The following PCDHGB5 variants were observed in gnomAD, a reference collection of about 807,000 sequenced individuals.
The protein encoded by PCDHGB5 is protocadherin gamma subfamily B, 5.
Under a neutral mutation model 62.9 loss-of-function variants are expected in PCDHGB5, and 48 were observed. That is an observed-to-expected ratio of 0.76 (90% CI 0.61 to 0.97). PCDHGB5 has a LOEUF of 0.97. Ranked by LOEUF, PCDHGB5 falls within the 50% of genes least tolerant of loss-of-function variation. PCDHGB5 has a pLI of 0.00. For missense variants in PCDHGB5, 1,118 were observed against 1,198.6 expected (o/e 0.93, Z 0.99); for synonymous variants, 474 against 511.2 (o/e 0.93, Z 0.98).
intron 1 of PCDHGB5, chr5:141,414,152 A>G (rs1251267001): frequency 1.9e-6 from 3 of 1,600,994 alleles, no homozygotes; most frequent in Non-Finnish European, 2.6e-6. Context: ...ATACAAGCAG[A>G]AGATGGAGGA....
Position 141,491,608 on chromosome 5 carries a change from C to T in PCDHGB5, c.2398-3199C>T. On this transcript the variant is annotated intron_variant, in intron 1 of 3. Transcript: ENST00000617380. This position sits in a 1 kb window ranked among gnomAD's most constrained non-coding sequence, Gnocchi z 6.9. Reference sequence around the variant, plus strand: ...CTCGGACGGCAGTGACTTCACTTTTCTAAGACCCCTCAGCGTTCAGCAGCC... The same window carrying T: ...CTCGGACGGCAGTGACTTCACTTTTTTAAGACCCCTCAGCGTTCAGCAGCC... 6.2e-7 allele frequency: 1 copy of T among 1,613,942 alleles called. No individual in the cohort carries two copies. The highest frequency in any genetic ancestry group is 1.1e-5 in the South Asian group (1 of 91,086).
intron 1 of PCDHGB5, chr5:141,417,931 G>T (rs551432799): frequency 6.8e-6 from 11 of 1,611,382 alleles, no homozygotes; most frequent in Middle Eastern, 1.6e-4. Flanking sequence ...TGCTGCCTTT[G>T]TTCTACCCCA....
chr5:141,410,311 C>T lies in PCDHGB5; in HGVS notation c.2397+9787C>T, dbSNP rs867067555. On this transcript the variant is annotated intron_variant, in intron 1 of 3. Coordinates refer to ENST00000617380, the MANE Select transcript of PCDHGB5 (RefSeq NM_018925.3). ...CCTTGGCCTTAATCTCAGTGCTCTT[C>T]CTCCTCGCCGTGATTCTGGCCATTG... 4 of 1,613,936 alleles carry T rather than the reference C, an allele frequency of 2.5e-6. No homozygotes were observed. In the African/African-American group the frequency reaches 5.3e-5, roughly 22 times the overall value.
intron 1 of PCDHGB5, chr5:141,408,696 A>G (rs768439069): frequency 6.2e-7 from 1 of 1,613,648 alleles, no homozygotes; most frequent in East Asian, 2.2e-5. Context: ...ATAAACATAA[A>G]CTCAATTAAA....
chr5:141,439,638 C>T (rs1256973189), intron 1 of PCDHGB5, among the ~76,000 whole-genome samples: 2 of 152,184 alleles, frequency 1.3e-5, no homozygotes, highest in African/African-American at 4.8e-5. Context: ...GACATTCCGG[C>T]TTGGTGGCTT....
At chr5:141,461,974 C>T (rs2099027742) in intron 1 of PCDHGB5, among the ~76,000 whole-genome samples, 1 of 152,202 alleles carries the variant, frequency 6.6e-6, no homozygotes, top group Non-Finnish European at 1.5e-5. Context: ...CAGGCATATG[C>T]CACCACGCCA....
Position 141,489,417 on chromosome 5 carries a change from G to A in PCDHGB5, c.2398-5390G>A, listed in dbSNP as rs1020232739. On this transcript the variant is annotated intron_variant, in intron 1 of 3. Coordinates refer to ENST00000617380, the MANE Select transcript of PCDHGB5 (RefSeq NM_018925.3). This position sits in a 1 kb window ranked among gnomAD's most constrained non-coding sequence, Gnocchi z 4.5. ...ATCTGGGCTTAAAGATGACAGATCT[G>A]TTGAGCCGGCGGCTGCAATTGGGCT... The A allele has an allele frequency of 1.2e-6, 2 of 1,614,172 alleles. No individual in the cohort carries two copies. The highest frequency in any genetic ancestry group is 3.3e-5 in the Admixed American group (2 of 60,030).
intron 1 of PCDHGB5, chr5:141,419,785 G>A (rs1268841728): frequency 1.2e-6 from 2 of 1,613,934 alleles, no homozygotes; most frequent in Non-Finnish European, 1.7e-6. Flanking sequence ...GCCAGCGCCT[G>A]CTAGTCGCTG....
chr5:141,453,700 G>T (rs953445370), intron 1 of PCDHGB5, among the ~76,000 whole-genome samples: 1 of 152,166 alleles, frequency 6.6e-6, no homozygotes, highest in East Asian at 1.9e-4. Flanking sequence ...TCCTGGCTTT[G>T]AACAGTTTCA....
intron 1 of PCDHGB5, chr5:141,409,602 C>T (rs940700383): frequency 6.2e-7 from 1 of 1,613,932 alleles, no homozygotes; most frequent in South Asian, 1.1e-5. Flanking sequence ...AACAACCCGC[C>T]AGGAGCCTCC....
At chr5:141,507,121 G>A (rs940889204) in intron 3 of PCDHGB5, 1 of 152,126 alleles carries the variant, frequency 6.6e-6, no homozygotes, top group African/African-American at 2.4e-5. Flanking sequence ...GGCTGCCTTT[G>A]GATCCAGCCT....
intron 1 of PCDHGB5, among the ~76,000 whole-genome samples, chr5:141,492,632 C>T (rs1359761285): frequency 1.3e-5 from 2 of 152,256 alleles, no homozygotes; most frequent in Admixed American, 1.3e-4. Context: ...CAGGACTCTA[C>T]GATCCTTGGG....
chr5:141,421,069 A>T, intron 1 of PCDHGB5: 1 of 598,532 alleles, frequency 1.7e-6, no homozygotes, highest in Non-Finnish European at 2.8e-6. Context: ...AAGCGGAATG[A>T]GATGGATACT....
In PCDHGB5 at chr5:141,477,551, C is replaced by T. The variant is rs372055994; in HGVS notation, c.2398-17256C>T. ...CCTCCCCGGGGCTCCAATACTAAAC[C>T]TAAGTGTCTGGGACCCCGACGCCCC... On this transcript the variant is annotated intron_variant, in intron 1 of 3. Coordinates refer to ENST00000617380, the MANE Select transcript of PCDHGB5 (RefSeq NM_018925.3). The surrounding 1 kb of genome is among the most constrained non-coding windows in gnomAD (Gnocchi z 4.9). The T allele has an allele frequency of 8.1e-6, 13 of 1,614,060 alleles. No homozygotes were observed. Among genetic ancestry groups the T allele is most frequent in the Non-Finnish European group, 1.0e-5 (12 of 1,180,042 alleles).
intron 1 of PCDHGB5, chr5:141,419,344 C>T (rs2096363174): frequency 1.9e-6 from 3 of 1,613,732 alleles, no homozygotes; most frequent in Non-Finnish European, 2.5e-6. Flanking sequence ...TTGCCAGCGA[C>T]CTGGAGTCAC....
intron 3 of PCDHGB5, among the ~76,000 whole-genome samples, chr5:141,509,109 G>A (rs893509101): frequency 5.3e-5 from 8 of 152,240 alleles, no homozygotes; most frequent in African/African-American, 1.9e-4. Flanking sequence ...AAACCTGAGC[G>A]CTGGTGCGTG....
chr5:141,437,800 C>G (rs963856257), intron 1 of PCDHGB5, among the ~76,000 whole-genome samples: 1 of 150,744 alleles, frequency 6.6e-6, no homozygotes, highest in African/African-American at 2.4e-5. Flanking sequence ...TGCAGTGGCA[C>G]TATCTTGGCT....
At chr5:141,496,121 C>G (rs1391009290) in intron 2 of PCDHGB5, among the ~76,000 whole-genome samples, 1 of 152,088 alleles carries the variant, frequency 6.6e-6, no homozygotes, top group Non-Finnish European at 1.5e-5. Context: ...TCCTTCCCTG[C>G]CCCTCACACA....
intron 2 of PCDHGB5, among the ~76,000 whole-genome samples, chr5:141,502,787 G>T (rs2099816081): frequency 6.6e-6 from 1 of 151,394 alleles, no homozygotes; most frequent in African/African-American, 2.4e-5. Flanking sequence ...TTACCTGGAT[G>T]ATTTCTTCAG....
Sources: gnomAD v4.1 joint callset for allele counts (sites outside exome capture counted in the v4.1 genomes callset) on GRCh38, gnomAD v4.1.1 for gene constraint, Gnocchi (gnomAD v3.1) non-coding constraint, MANE v1.5 for transcripts, NCBI Gene and HGNC (gene_info 2026-07-23, HGNC 2026-07-21) for gene names.